The following PDE3A variants were observed in gnomAD, a reference collection of about 807,000 sequenced individuals.
PDE3A encodes the protein phosphodiesterase 3A.
In PDE3A, 43 loss-of-function variants were observed where a neutral mutation model predicts 98.3. The ratio of observed to expected loss-of-function variants is 0.44; its 90% confidence interval spans 0.34 to 0.56. PDE3A has a LOEUF of 0.56. Among genes scored for constraint, PDE3A ranks in the 20% least tolerant of loss-of-function variants. PDE3A has a pLI of 0.01. For synonymous variants in PDE3A, 663 were observed against 567.9 expected (o/e 1.17, Z -2.38); for missense variants, 1,427 against 1,440.7 (o/e 0.99, Z 0.15).
At chr12:20,494,994 G>A (rs1565567409) in intron 1 of PDE3A, among the ~76,000 whole-genome samples, 1 of 151,962 alleles carries the variant, frequency 6.6e-6, no homozygotes, top group African/African-American at 2.4e-5. Context: ...TGTGATTCAT[G>A]TAAAGAAACC....
At chr12:20,676,592 T>G (rs1420301249) in intron 15 of PDE3A, among the ~76,000 whole-genome samples, 1 of 148,172 alleles carries the variant, frequency 6.7e-6, no homozygotes, top group East Asian at 2.1e-4. Context: ...CTCCGCCTCC[T>G]GGGTTCACAC....
chr12:20,487,089 G>A (rs958846522), intron 1 of PDE3A, among the ~76,000 whole-genome samples: 2 of 152,040 alleles, frequency 1.3e-5, no homozygotes, highest in African/African-American at 4.8e-5. Context: ...AAAAAATAAA[G>A]AGAAGTATGT....
intron 1 of PDE3A, among the ~76,000 whole-genome samples, chr12:20,410,221 C>T (rs1325378722): frequency 6.6e-6 from 1 of 152,162 alleles, no homozygotes; most frequent in Non-Finnish European, 1.5e-5. Context: ...TAGCCATCCT[C>T]AGGGAAGCCA....
At chr12:20,590,719 TTTAAA>T (rs1943317886) in intron 2 of PDE3A, among the ~76,000 whole-genome samples, 1 of 151,962 alleles carries the variant, frequency 6.6e-6, no homozygotes, top group Non-Finnish European at 1.5e-5. Flanking sequence ...CAGGCACACA[TTTAAA>T]TTATACATTC....
At chr12:20,478,085 G>T (rs892274204) in intron 1 of PDE3A, among the ~76,000 whole-genome samples, 1 of 152,138 alleles carries the variant, frequency 6.6e-6, no homozygotes, top group Non-Finnish European at 1.5e-5. Context: ...AAAATAGTCT[G>T]TCAACAATTA....
At chr12:20,491,181 G>A (rs942942520) in intron 1 of PDE3A, among the ~76,000 whole-genome samples, 1 of 152,128 alleles carries the variant, frequency 6.6e-6, no homozygotes, top group African/African-American at 2.4e-5. Context: ...TGGCATCTTT[G>A]CCGATTCAGT....
chr12:20,580,420 C>T (rs1361545023), intron 2 of PDE3A, among the ~76,000 whole-genome samples: 1 of 152,008 alleles, frequency 6.6e-6, no homozygotes, highest in Non-Finnish European at 1.5e-5. Context: ...TAGACTGAAG[C>T]CTTCAGGGAT....
At chr12:20,416,721 T>C (rs1273678891) in intron 1 of PDE3A, among the ~76,000 whole-genome samples, 3 of 152,200 alleles carry the variant, frequency 2.0e-5, no homozygotes, top group African/African-American at 7.2e-5. Flanking sequence ...GAAGGCAACC[T>C]ATCTGATTTC....
At chr12:20,416,400 C>A (rs1944421838) in intron 1 of PDE3A, among the ~76,000 whole-genome samples, 3 of 152,110 alleles carry the variant, frequency 2.0e-5, no homozygotes, top group African/African-American at 7.2e-5. Flanking sequence ...TATAACCCAC[C>A]TTTGTATGTG....
chr12:20,683,885 C>T lies in PDE3A; in HGVS notation c.*3614C>T, dbSNP rs919237517. The T allele has an allele frequency of 6.6e-6, 1 of 152,180 alleles. No homozygotes were observed. The highest frequency in any genetic ancestry group is 1.5e-5 in the Non-Finnish European group (1 of 68,032). 9.4% of individuals were successfully genotyped at this position (152,180 alleles called of 1,614,324 possible). A position where few individuals can be genotyped will look rare whatever the true frequency, so the allele number is the denominator to read the frequency against. On this transcript the variant is annotated 3_prime_UTR_variant, in exon 16 of 16. Transcript: ENST00000359062. ...CGAAAGAAAAGGAATATCTTACAGA[C>T]TGTTCATATTAGATGTATGTAGACT...
At chr12:20,679,520 TC>T (rs781233574) in intron 15 of PDE3A, among the ~76,000 whole-genome samples, 10 of 152,280 alleles carry the variant, frequency 6.6e-5, no homozygotes, top group South Asian at 2.1e-4. Context: ...GTGCTGGGAT[TC>T]ACAGACGTGA....
At chr12:20,598,180 T>TATG (rs1943510616) in intron 2 of PDE3A, among the ~76,000 whole-genome samples, 1 of 151,398 alleles carries the variant, frequency 6.6e-6, no homozygotes, top group Non-Finnish European at 1.5e-5. Flanking sequence ...TTTTAATTAT[T>TATG]ATTATTATTA....
At chr12:20,400,878 T>C (rs1591889670) in intron 1 of PDE3A, among the ~76,000 whole-genome samples, 1 of 152,318 alleles carries the variant, frequency 6.6e-6, no homozygotes, top group African/African-American at 2.4e-5. Context: ...TCTCCTAGTA[T>C]GCTAAGCATT....
intron 1 of PDE3A, among the ~76,000 whole-genome samples, chr12:20,455,696 A>G (rs527907565): frequency 1.3e-5 from 2 of 152,318 alleles, no homozygotes; most frequent in South Asian, 4.1e-4. Flanking sequence ...CTTTCTAACC[A>G]TAAACAAACA....
At chr12:20,595,377 CT>C (rs1289108205) in intron 2 of PDE3A, among the ~76,000 whole-genome samples, 2 of 152,142 alleles carry the variant, frequency 1.3e-5, no homozygotes, top group Non-Finnish European at 2.9e-5. Context: ...AAATCCCTGG[CT>C]TTGGAGTTGA....
At chr12:20,664,616 C>T (rs1024785475) in intron 15 of PDE3A, among the ~76,000 whole-genome samples, 2 of 152,136 alleles carry the variant, frequency 1.3e-5, no homozygotes, top group Non-Finnish European at 2.9e-5. Context: ...ATATTGTTCT[C>T]CTGGTACTGA....
intron 1 of PDE3A, among the ~76,000 whole-genome samples, chr12:20,439,586 A>G (rs6487089): frequency 0.18 from 27,558 of 152,158 alleles, 2,615 homozygotes; most frequent in Non-Finnish European, 0.2. Context: ...AAGGCAAAAT[A>G]TTTTGATTTT....
At chr12:20,565,168 C>T (rs1170377592) in intron 2 of PDE3A, among the ~76,000 whole-genome samples, 4 of 152,134 alleles carry the variant, frequency 2.6e-5, no homozygotes, top group African/African-American at 4.8e-5. Flanking sequence ...GTATTTTGCA[C>T]GTACGTTCTT....
At chr12:20,665,669 G>T (rs1331920545) in intron 15 of PDE3A, among the ~76,000 whole-genome samples, 1 of 152,038 alleles carries the variant, frequency 6.6e-6, no homozygotes, top group Admixed American at 6.6e-5. Context: ...TGTAAAAAAT[G>T]TACATTCCTA....
Sources: gnomAD v4.1 joint callset for allele counts (sites outside exome capture counted in the v4.1 genomes callset) on GRCh38, gnomAD v4.1.1 for gene constraint, MANE v1.5 for transcripts, NCBI Gene and HGNC (gene_info 2026-07-23, HGNC 2026-07-21) for gene names.